Variants in GCC2 observed in about 807,000 individuals in gnomAD.
GCC2 encodes GRIP and coiled-coil domain containing 2, also known as GRIP and coiled-coil domain-containing protein 2.
In GCC2, 120 loss-of-function variants were observed where a neutral mutation model predicts 210.6. That is an observed-to-expected ratio of 0.57 (90% confidence interval 0.49 to 0.66). The LOEUF is 0.66. GCC2 is among the 30% of genes least tolerant of loss of function. The pLI is 0.00. For missense variants in GCC2, 1,868 were observed against 1,871.9 expected (o/e 1.00, Z 0.04); for synonymous variants, 703 against 652.7 (o/e 1.08, Z -1.17).
At chr2:108,454,437 G>T (rs565918969) in intron 4 of GCC2, among the ~76,000 whole-genome samples, 1 of 152,322 alleles carries the variant, frequency 6.6e-6, no homozygotes, top group East Asian at 1.9e-4. Context: ...TAGTTACAGT[G>T]TATGAAGCTA....
At chr2:108,504,119 C>T (rs7565947) in intron 22 of GCC2, among the ~76,000 whole-genome samples, 56,873 of 151,734 alleles carry the variant, frequency 0.37, 12,338 homozygotes, top group East Asian at 0.89. Context: ...AAAACCCCAT[C>T]TTTAAAAAAA....
chr2:108,470,141 A>G lies in GCC2; in HGVS notation c.812A>G (p.Asn271Ser), dbSNP rs760633335. 1.2e-6 allele frequency: 2 copies of G among 1,613,826 alleles called. No homozygotes were observed. Among genetic ancestry groups the G allele is most frequent in the Admixed American group, 3.3e-5 (2 of 60,020 alleles). The change falls in exon 6 of 23, where the codon AAT becomes AGT. Residue 271 changes from asparagine to serine, a missense_variant. By Grantham distance (46) the Asn-to-Ser change is conservative. Around this residue, in one of 3 missense-constraint regions of GCC2, gnomAD observed 1,847 missense variants for 1,765.2 expected, o/e 1.05. Transcript: ENST00000309863. ...ASAKEHEAEI[N>S]KLNELKENLV... ...GCTAAGGAACATGAAGCAGAGATAA[A>G]TAAGTTGAACGAGCTAAAAGAGAAC...
At chr2:108,487,329 T>C (rs1437472003) in intron 16 of GCC2, among the ~76,000 whole-genome samples, 3 of 152,176 alleles carry the variant, frequency 2.0e-5, no homozygotes, top group Non-Finnish European at 2.9e-5. Context: ...AGATCTCTTA[T>C]CAGAAAATAT....
chr2:108,469,551 A>C, intron 5 of GCC2, 100 bp from the exon 6 acceptor site: 1 of 757,814 alleles, frequency 1.3e-6, no homozygotes, highest in Non-Finnish European at 2.2e-6. Context: ...CTGCTCATTT[A>C]CTTTTCTCTC....
At chr2:108,490,663 T>C (rs952306898) in intron 18 of GCC2, among the ~76,000 whole-genome samples, 3 of 152,210 alleles carry the variant, frequency 2.0e-5, no homozygotes, top group Non-Finnish European at 4.4e-5. Context: ...CAGGTTTAGC[T>C]TTTTGTGGCT....
chr2:108,492,166 G>T (rs1480481419), intron 18 of GCC2, among the ~76,000 whole-genome samples: 1 of 151,014 alleles, frequency 6.6e-6, no homozygotes, highest in Non-Finnish European at 1.5e-5. Flanking sequence ...AATGTTTTCA[G>T]GGTAGTAGAT....
chr2:108,461,248 G>A (rs2577623), intron 4 of GCC2, among the ~76,000 whole-genome samples: 1 of 151,320 alleles, frequency 6.6e-6, no homozygotes, highest in Non-Finnish European at 1.5e-5. Flanking sequence ...TAAGTCTGAT[G>A]GGGGTTCCTT....
At chr2:108,485,805 A>T (rs762507848) in intron 14 of GCC2, 26 bp from the exon 15 acceptor site, 5 of 1,503,926 alleles carry the variant, frequency 3.3e-6, no homozygotes, top group Non-Finnish European at 3.6e-6. Context: ...ATTAAAAAAA[A>T]TTTAACCAAG....
chr2:108,474,511 A>G (rs528137748), intron 7 of GCC2, among the ~76,000 whole-genome samples: 2 of 152,338 alleles, frequency 1.3e-5, no homozygotes, highest in East Asian at 3.9e-4. Context: ...GTTCTAGAAA[A>G]AAATGGGGGA....
intron 22 of GCC2, among the ~76,000 whole-genome samples, chr2:108,506,552 C>T (rs559874968): frequency 6.6e-6 from 1 of 152,102 alleles, no homozygotes; most frequent in African/African-American, 2.4e-5. Context: ...AGACTCAGTG[C>T]TATATGCTGA....
chr2:108,452,504 A>C, intron 4 of GCC2, 38 bp downstream of exon 4: 1 of 1,205,394 alleles, frequency 8.3e-7, no homozygotes, highest in South Asian at 1.2e-5. Flanking sequence ...AGAGAAATAA[A>C]ATTTCCCTGA....
At position 108,459,745 on chromosome 2, in the gene GCC2, C is replaced by CTTTTTTTTTTTTTTTTTTTTTTTT. The variant is rs34052393; in HGVS notation, c.216+7289_216+7312dup. 6.7e-4 allele frequency among the ~76,000 whole-genome samples: 18 copies of CTTTTTTTTTTTTTTTTTTTTTTTT among 26,782 alleles called. 2 individuals carry two copies. The highest frequency in any genetic ancestry group is 1.0e-3 in the Non-Finnish European group (15 of 14,890). 17.6% of individuals were successfully genotyped at this position (26,782 alleles called of 152,430 possible). A position where few individuals can be genotyped will look rare whatever the true frequency, so the allele number is the denominator to read the frequency against. ...GCCATTAGATAATGACCTTCTTTGT[C>CTTTTTTTTTTTTTTTTTTTTTTTT]TTTTTTTTTTTTTTTTTTTTTTTTT... is the stretch of plus-strand genomic sequence containing the variant. On this transcript the variant is annotated intron_variant, in intron 4 of 22. Transcript: ENST00000309863.
intron 4 of GCC2, among the ~76,000 whole-genome samples, chr2:108,459,374 G>A (rs1417026380): frequency 1.3e-5 from 2 of 152,064 alleles, no homozygotes; most frequent in African/African-American, 2.4e-5. Flanking sequence ...TTAAAAATTT[G>A]TTGAAAATGA....
intron 4 of GCC2, among the ~76,000 whole-genome samples, chr2:108,453,371 T>C (rs1166230639): frequency 3.3e-5 from 5 of 152,254 alleles, no homozygotes; most frequent in Admixed American, 3.3e-4. Context: ...TATGGCTTTA[T>C]GTTAAACACA....
chr2:108,459,917 A>G (rs1403230314), intron 4 of GCC2, among the ~76,000 whole-genome samples: 3 of 151,942 alleles, frequency 2.0e-5, no homozygotes, highest in East Asian at 1.9e-4. Flanking sequence ...CAGTGGCGCA[A>G]TCTTGGCTCA....
At chr2:108,473,686 T>C (rs1681358315) in intron 7 of GCC2, among the ~76,000 whole-genome samples, 2 of 152,192 alleles carry the variant, frequency 1.3e-5, no homozygotes, top group Admixed American at 1.3e-4. Context: ...TTGAAGAGTT[T>C]AGAATGACTC....
Position 108,451,042 on chromosome 2 carries a change from C to G in GCC2, c.78C>G (p.Pro26=). 6.2e-7 allele frequency: 1 copy of G among 1,611,238 alleles called. No individual in the cohort carries two copies. Residue 26 remains proline, a synonymous_variant, in exon 3 of 23, where the codon CCC becomes CCG. Coordinates refer to ENST00000309863, the MANE Select transcript of GCC2 (RefSeq NM_181453.4). The part of the protein sequence containing the change: ...GTGKSKLETL[P]KEDLIKFAKK... ...ACATCTTTCAGCTGGAAACATTGCC[C>G]AAAGAAGACCTCATCAAGTTTGCCA... is the stretch of plus-strand genomic sequence containing the variant.
intron 5 of GCC2, 72 bp from the exon 6 acceptor site, chr2:108,469,579 A>T: frequency 9.5e-7 from 1 of 1,048,328 alleles, no homozygotes; most frequent in African/African-American, 1.6e-5. Flanking sequence ...CTTGTGGCTA[A>T]TATTTTTCCT....
In GCC2 at chr2:108,470,631, AAAAG is replaced by A; in HGVS notation, c.1306_1309del (p.Glu436TyrfsTer4). On this transcript the variant is annotated frameshift_variant, in exon 6 of 23. Transcript: ENST00000309863. LOFTEE classifies it high-confidence loss of function. ...TACAGAGTCTTAAGGAACAACATCA[AAAAG>A]AAATATCAGAACTAAATGAGACATT... 5.0e-6 allele frequency: 8 copies of A among 1,612,510 alleles called. No homozygotes were observed. The highest frequency in any genetic ancestry group is 6.8e-6 in the Non-Finnish European group (8 of 1,179,124).
Sources: gnomAD v4.1 joint callset for allele counts (sites outside exome capture counted in the v4.1 genomes callset) on GRCh38, gnomAD v4.1.1 for gene constraint, gnomAD v4.1.1 regional missense constraint, MANE v1.5 for transcripts, NCBI Gene and HGNC (gene_info 2026-07-23, HGNC 2026-07-21) for gene names.